Variants in TRAPPC8 observed in about 807,000 individuals in gnomAD.
TRAPPC8 encodes the protein trafficking protein particle complex subunit 8.
TRAPPC8 carries 54 observed loss-of-function variants against 174.3 expected under a neutral mutation model. The observed-to-expected ratio is 0.31, with a 90% CI of 0.25 to 0.39. The LOEUF (loss-of-function observed/expected upper bound fraction) is 0.39, where lower values mean the gene tolerates loss of function less well. Among genes scored for constraint, TRAPPC8 ranks in the 10% least tolerant of loss-of-function variants. The pLI, the probability that TRAPPC8 is intolerant of heterozygous loss-of-function variation, is 1.00. For missense variants in TRAPPC8, 1,531 were observed against 1,699.1 expected (o/e 0.90, Z 1.74); for synonymous variants, 630 against 579.9 (o/e 1.09, Z -1.24).
In TRAPPC8 at chr18:31,887,990, A is replaced by C. The variant is rs1276103992; in HGVS notation, c.1728+2745T>G. ...CAAAACCTTCTTAAGCTGATAAGCA[A>C]CTTCAGCAAAATCTCAGGATACAAA... On this transcript the variant is annotated intron_variant, in intron 12 of 28. Coordinates refer to ENST00000283351, the MANE Select transcript of TRAPPC8 (RefSeq NM_014939.5). Among the ~76,000 whole-genome samples the C allele has an allele frequency of 1.1e-4, 16 of 152,202 alleles. 1 individual carries two copies. The highest frequency in any genetic ancestry group is 1.0e-3 in the Admixed American group (16 of 15,278).
chr18:31,852,419 C>G, intron 24 of TRAPPC8, 27 bp downstream of exon 24: 1 of 1,612,302 alleles, frequency 6.2e-7, no homozygotes, highest in Non-Finnish European at 8.5e-7. Context: ...GACTTAACAT[C>G]AAACACTACT....
At chr18:31,837,012 T>C (rs2032783790) in intron 27 of TRAPPC8, among the ~76,000 whole-genome samples, 2 of 152,060 alleles carry the variant, frequency 1.3e-5, no homozygotes, top group African/African-American at 4.8e-5. Flanking sequence ...TCCGCCCGCC[T>C]TGGCCTCCCA....
intron 2 of TRAPPC8, among the ~76,000 whole-genome samples, chr18:31,921,846 G>A (rs545376566): frequency 2.0e-5 from 3 of 152,266 alleles, no homozygotes; most frequent in Non-Finnish European, 2.9e-5. Context: ...TTTAGAGGAA[G>A]AAATGAAGGG....
rs897650603 is a variant in TRAPPC8, at chr18:31,846,708, G to C, written c.3837+8C>G. ...ACCAGAAAGCTCCAAAGCAAACTAT[G>C]TTATCACCTGTTTCTGAGGATATGA... On this transcript the variant is annotated splice_region_variant and intron_variant, in intron 26 of 28. Coordinates refer to ENST00000283351, the MANE Select transcript of TRAPPC8 (RefSeq NM_014939.5). 1.3e-6 allele frequency: 2 copies of C among 1,594,896 alleles called. No individual in the cohort carries two copies. Among genetic ancestry groups the C allele is most frequent in the Non-Finnish European group, 1.7e-6 (2 of 1,167,792 alleles).
chr18:31,916,896 A>T (rs2145543128), intron 3 of TRAPPC8, among the ~76,000 whole-genome samples: 1 of 152,128 alleles, frequency 6.6e-6, no homozygotes, highest in South Asian at 2.1e-4. Flanking sequence ...TTGCAAGCAC[A>T]AAATAATTTC....
At chr18:31,880,608 G>A (rs1389880159) in intron 12 of TRAPPC8, among the ~76,000 whole-genome samples, 1 of 151,834 alleles carries the variant, frequency 6.6e-6, no homozygotes, top group Non-Finnish European at 1.5e-5. Flanking sequence ...TGTACACTCT[G>A]CACTCACACC....
intron 4 of TRAPPC8, among the ~76,000 whole-genome samples, chr18:31,914,407 T>C: frequency 6.6e-6 from 1 of 152,232 alleles, no homozygotes; most frequent in East Asian, 1.9e-4. Flanking sequence ...GAACCATTCA[T>C]CTGATACTTG....
intron 12 of TRAPPC8, among the ~76,000 whole-genome samples, chr18:31,890,267 G>A (rs574652325): frequency 6.6e-6 from 1 of 152,288 alleles, no homozygotes; most frequent in Non-Finnish European, 1.5e-5. Context: ...CAGCAACTCA[G>A]CTGCTTCAAG....
At chr18:31,901,981 T>C (rs2036447946) in intron 9 of TRAPPC8, among the ~76,000 whole-genome samples, 2 of 152,226 alleles carry the variant, frequency 1.3e-5, no homozygotes, top group Admixed American at 1.3e-4. Context: ...CCTTCCTCTT[T>C]GTCACTGTAG....
At chr18:31,869,174 C>G (rs1340350125) in intron 16 of TRAPPC8, among the ~76,000 whole-genome samples, 1 of 151,834 alleles carries the variant, frequency 6.6e-6, no homozygotes, top group Non-Finnish European at 1.5e-5. Flanking sequence ...TATTTGGCCA[C>G]ATCATTTCTG....
At chr18:31,887,817 G>T (rs1472017984) in intron 12 of TRAPPC8, among the ~76,000 whole-genome samples, 4 of 151,938 alleles carry the variant, frequency 2.6e-5, no homozygotes, top group Admixed American at 2.6e-4. Flanking sequence ...TCTCACCACT[G>T]CTATTCAACA....
chr18:31,880,113 ATATATATATT>A (rs1343615208), intron 12 of TRAPPC8, among the ~76,000 whole-genome samples: 5 of 84,134 alleles, frequency 5.9e-5, no homozygotes, highest in African/African-American at 1.9e-4. Flanking sequence ...ATATATATAT[ATATATATATT>A]TTTTTTTTTT....
chr18:31,922,177 G>A (rs11878164), intron 2 of TRAPPC8, among the ~76,000 whole-genome samples: 9,024 of 152,186 alleles, frequency 0.059, 286 homozygotes, highest in Middle Eastern at 0.11. Context: ...ATATAATTTT[G>A]AGTTTGAAAC....
intron 16 of TRAPPC8, 194 bp downstream of exon 16, chr18:31,870,178 T>TG (rs2034781051): frequency 2.5e-6 from 1 of 394,536 alleles, no homozygotes; most frequent in East Asian, 4.1e-5. Flanking sequence ...TGAAGACAGA[T>TG]GGTTTCACTT....
intron 1 of TRAPPC8, among the ~76,000 whole-genome samples, chr18:31,937,983 T>A (rs2038176698): frequency 6.6e-6 from 1 of 152,188 alleles, no homozygotes; most frequent in Non-Finnish European, 1.5e-5. Flanking sequence ...ATTACAGGCC[T>A]AAGACACTGC....
At chr18:31,892,114 T>C (rs540218275) in intron 11 of TRAPPC8, among the ~76,000 whole-genome samples, 3 of 152,352 alleles carry the variant, frequency 2.0e-5, no homozygotes, top group East Asian at 3.9e-4. Flanking sequence ...GTTTTCTTTT[T>C]AGAAATTATT....
chr18:31,852,310 C>G, intron 24 of TRAPPC8, 136 bp downstream of exon 24: 1 of 902,122 alleles, frequency 1.1e-6, no homozygotes, highest in South Asian at 1.7e-5. Context: ...CACTGTACTC[C>G]TGGGAGACAG....
In TRAPPC8 at chr18:31,855,814, T is replaced by TC. The variant is rs2033973533; in HGVS notation, c.3189-8_3189-7insG. On this transcript the variant is annotated splice_region_variant and splice_polypyrimidine_tract_variant and intron_variant, in intron 20 of 28. Coordinates refer to ENST00000283351, the MANE Select transcript of TRAPPC8 (RefSeq NM_014939.5). ...GTGTCTTAATATTCTGTGCCTGAAG[T>TC]TAAAAAAAAAAAAAAAAGCACATTT... 2 of 1,526,076 alleles carry TC rather than the reference T, an allele frequency of 1.3e-6. No individual in the cohort carries two copies. The highest frequency in any genetic ancestry group is 1.7e-6 in the Non-Finnish European group (2 of 1,154,884). The allele number at this position is 1,526,076 out of a possible 1,614,324, so 94.5% of individuals were successfully genotyped here.
intron 27 of TRAPPC8, among the ~76,000 whole-genome samples, chr18:31,837,127 C>CA (rs1361399064): frequency 6.6e-6 from 1 of 151,984 alleles, no homozygotes. Flanking sequence ...GAGAAAGGAA[C>CA]AAAGCATGAG....
Sources: allele counts gnomAD v4.1 joint callset (sites outside exome capture counted in the v4.1 genomes callset), GRCh38; gene constraint gnomAD v4.1.1; transcripts MANE v1.5; gene names NCBI Gene and HGNC (gene_info 2026-07-23, HGNC 2026-07-21).